Variants in SLC13A1 observed in about 807,000 individuals in gnomAD.
SLC13A1 encodes solute carrier family 13 member 1, also known as Na(+)/sulfate cotransporter.
In SLC13A1, 65 loss-of-function variants were observed where a neutral mutation model predicts 70.0. The observed-to-expected ratio is 0.93, with a 90% CI of 0.76 to 1.14. SLC13A1 has a LOEUF of 1.14. SLC13A1 is among the 50% of genes most tolerant of loss of function. SLC13A1 has a pLI of 0.00. For synonymous variants in SLC13A1, 275 were observed against 250.5 expected (o/e 1.10, Z -0.92); for missense variants, 726 against 717.8 (o/e 1.01, Z -0.13).
At chr7:123,148,129 A>G (rs1443048192) in intron 6 of SLC13A1, among the ~76,000 whole-genome samples, 1 of 152,144 alleles carries the variant, frequency 6.6e-6, no homozygotes, top group Non-Finnish European at 1.5e-5. Context: ...CACAAAAAAT[A>G]AATCCATTTT....
chr7:123,157,173 T>C (rs1462487542), intron 6 of SLC13A1, among the ~76,000 whole-genome samples: 1 of 152,110 alleles, frequency 6.6e-6, no homozygotes, highest in East Asian at 1.9e-4. Context: ...AGCAAGAAAT[T>C]GTAGGAGAGG....
intron 2 of SLC13A1, among the ~76,000 whole-genome samples, chr7:123,176,402 T>A (rs759228456): frequency 6.6e-6 from 1 of 152,094 alleles, no homozygotes; most frequent in Non-Finnish European, 1.5e-5. Context: ...TCAAATAACA[T>A]CTCTAATAAA....
chr7:123,169,453 C>T, intron 3 of SLC13A1, 118 bp from the exon 4 acceptor site: 1 of 912,838 alleles, frequency 1.1e-6, no homozygotes. Flanking sequence ...TCTTTCAAAA[C>T]ATGGAAGGTT....
chr7:123,120,126 C>T (rs1391868722), intron 12 of SLC13A1, among the ~76,000 whole-genome samples: 1 of 151,946 alleles, frequency 6.6e-6, no homozygotes, highest in African/African-American at 2.4e-5. Flanking sequence ...GCTTAGTTTC[C>T]CTTTAAATCT....
rs556161751 is a variant in SLC13A1, at chr7:123,166,753, G to T, written c.660+1621C>A. ...TTTTTATGGCTGCATAGTATTCCAT[G>T]GTGTACATGTGCCACATTTTCTTAA... On this transcript the variant is annotated intron_variant, in intron 6 of 14. Transcript: ENST00000194130. Among the ~76,000 whole-genome samples the T allele has an allele frequency of 3.3e-5, 5 of 152,096 alleles. No individual in the cohort carries two copies. In the South Asian group the frequency reaches 1.0e-3, roughly 32 times the overall value.
In SLC13A1 at chr7:123,141,356, T is replaced by A. The variant is rs187402011; in HGVS notation, c.812+5803A>T. ...ATGGTCTATCCTTGAGAATGGTCCA[T>A]GTGCTGAGGAAAAGAATGTGTATAC... is the stretch of plus-strand genomic sequence containing the variant. On this transcript the variant is annotated intron_variant, in intron 7 of 14. Coordinates refer to ENST00000194130, the MANE Select transcript of SLC13A1 (RefSeq NM_022444.4). Among the ~76,000 whole-genome samples the A allele has an allele frequency of 3.3e-5, 5 of 152,304 alleles. No homozygotes were observed. In the East Asian group the frequency reaches 9.6e-4, roughly 29 times the overall value.
At chr7:123,165,588 G>A (rs966916044) in intron 6 of SLC13A1, among the ~76,000 whole-genome samples, 1 of 152,062 alleles carries the variant, frequency 6.6e-6, no homozygotes, top group Non-Finnish European at 1.5e-5. Context: ...TGACTTTCAG[G>A]TTGTCCCAAA....
intron 6 of SLC13A1, among the ~76,000 whole-genome samples, chr7:123,158,965 G>C (rs12671045): frequency 6.6e-6 from 1 of 151,728 alleles, no homozygotes; most frequent in Admixed American, 6.6e-5. Flanking sequence ...CCCAGATAGG[G>C]GGTCTGAGAA....
chr7:123,199,952 T>A lies in SLC13A1; in HGVS notation c.-6A>T, dbSNP rs566088164. On this transcript the variant is annotated 5_prime_UTR_variant, in exon 1 of 15. Transcript: ENST00000194130. Reference sequence around the variant, plus strand: ...ATGTAACTGAAGAATTTCATTGTCCTGAGCAGGTGGCTTCAATAGTGTCCT... The same window carrying A: ...ATGTAACTGAAGAATTTCATTGTCCAGAGCAGGTGGCTTCAATAGTGTCCT... The A allele has an allele frequency of 3.9e-5, 63 of 1,603,764 alleles. No individual in the cohort carries two copies. Among genetic ancestry groups the A allele is most frequent in the Non-Finnish European group, 2.2e-5 (26 of 1,172,006 alleles).
At chr7:123,156,876 C>T (rs1295870965) in intron 6 of SLC13A1, among the ~76,000 whole-genome samples, 1 of 152,030 alleles carries the variant, frequency 6.6e-6, no homozygotes, top group East Asian at 1.9e-4. Flanking sequence ...CCTGCTGTGC[C>T]TTCAACATCC....
chr7:123,128,736 G>T, intron 10 of SLC13A1, 109 bp downstream of exon 10: 3 of 702,792 alleles, frequency 4.3e-6, no homozygotes, highest in Admixed American at 2.9e-5. Context: ...CTTTTCAAGG[G>T]AAAGAAAGAA....
At chr7:123,165,518 G>A (rs146983232) in intron 6 of SLC13A1, among the ~76,000 whole-genome samples, 10 of 151,698 alleles carry the variant, frequency 6.6e-5, no homozygotes, top group Non-Finnish European at 1.0e-4. Flanking sequence ...TTTTTCCCTC[G>A]TCCCCAATGT....
Position 123,168,920 on chromosome 7 carries a change from G to A in SLC13A1, c.553+228C>T, listed in dbSNP as rs571161564. On this transcript the variant is annotated intron_variant, in intron 4 of 14. Coordinates refer to ENST00000194130, the MANE Select transcript of SLC13A1 (RefSeq NM_022444.4). ...AGAGTGTTCCATCAGTCTGGCTGAGGGATAGAAAAGGCATTCTTCTTTTTG... is the reference window on the plus strand; with the variant it reads ...AGAGTGTTCCATCAGTCTGGCTGAGAGATAGAAAAGGCATTCTTCTTTTTG... Among the ~76,000 whole-genome samples the A allele has an allele frequency of 6.6e-5, 10 of 152,188 alleles. No individual in the cohort carries two copies. The South Asian group carries it at 2.1e-3, about 32-fold the overall frequency.
chr7:123,190,845 G>A (rs1437508031), intron 1 of SLC13A1, among the ~76,000 whole-genome samples: 1 of 152,022 alleles, frequency 6.6e-6, no homozygotes, highest in African/African-American at 2.4e-5. Context: ...TTTAATCTCA[G>A]TGACAAAATT....
chr7:123,194,894 G>T (rs55704475), intron 1 of SLC13A1, among the ~76,000 whole-genome samples: 2,543 of 152,174 alleles, frequency 0.017, 68 homozygotes, highest in African/African-American at 0.059. Flanking sequence ...GAACAGAGGA[G>T]CTGGAAGATG....
At position 123,194,695 on chromosome 7, in the gene SLC13A1, T is replaced by C. The variant is rs116825873; in HGVS notation, c.99+5153A>G. On this transcript the variant is annotated intron_variant, in intron 1 of 14. Coordinates refer to ENST00000194130, the MANE Select transcript of SLC13A1 (RefSeq NM_022444.4). ...GAGAAGATGAGGTTGAGAGGGGAGA[T>C]TTAGGAGGATTTAGATTAAGGAGAT... 8.9e-3 allele frequency among the ~76,000 whole-genome samples: 1,346 copies of C among 150,540 alleles called. 20 individuals are homozygous for C. Among genetic ancestry groups the C allele is most frequent in the African/African-American group, 0.03 (1,250 of 41,052 alleles).
chr7:123,123,687 A>C (rs1418425545), intron 11 of SLC13A1, among the ~76,000 whole-genome samples: 1 of 152,184 alleles, frequency 6.6e-6, no homozygotes, highest in African/African-American at 2.4e-5. Context: ...ACATTTTATT[A>C]GTTTTTAGGT....
chr7:123,168,344 A>T, intron 6 of SLC13A1, 30 bp downstream of exon 6: 1 of 1,416,676 alleles, frequency 7.1e-7, no homozygotes, highest in Non-Finnish European at 9.8e-7. Context: ...TTTTGTATAT[A>T]ATTATTTAGA....
At chr7:123,151,264 C>T (rs1489371009) in intron 6 of SLC13A1, among the ~76,000 whole-genome samples, 2 of 151,890 alleles carry the variant, frequency 1.3e-5, no homozygotes, top group African/African-American at 4.8e-5. Flanking sequence ...GCAGAGGTTG[C>T]AGTGAGTCAA....
Sources: gnomAD v4.1 joint callset for allele counts (sites outside exome capture counted in the v4.1 genomes callset) on GRCh38, gnomAD v4.1.1 for gene constraint, MANE v1.5 for transcripts, NCBI Gene and HGNC (gene_info 2026-07-23, HGNC 2026-07-21) for gene names.